Variants in CHD1L observed in about 807,000 individuals in gnomAD.
The protein encoded by CHD1L is chromodomain helicase DNA binding protein 1 like, also known as ATP-dependent chromatin remodeler CHD1L.
CHD1L carries 118 observed loss-of-function variants against 115.9 expected under a neutral mutation model. The observed-to-expected ratio is 1.02, with a 90% confidence interval of 0.88 to 1.19. CHD1L has a LOEUF of 1.19. Ranked by LOEUF, CHD1L falls within the 50% of genes most tolerant of loss-of-function variation. CHD1L has a pLI of 0.00. For synonymous variants in CHD1L, 411 were observed against 387.1 expected, an observed-to-expected ratio of 1.06 and a Z score of -0.72; for missense variants, 1,179 against 1,065.3, an observed-to-expected ratio of 1.11 and a Z score of -1.49.
At chr1:147,199,939 C>T in the CHD1L span, among the ~76,000 whole-genome samples, 2 of 152,094 alleles carry the variant, frequency 1.3e-5, no homozygotes, top group Non-Finnish European at 2.9e-5. Context: ...GTAACAATAG[C>T]AAATTTTGTT....
chr1:147,195,396 G>T, the CHD1L span, among the ~76,000 whole-genome samples: 1 of 151,944 alleles, frequency 6.6e-6, no homozygotes, highest in Admixed American at 6.6e-5. Flanking sequence ...GCATCCCAAG[G>T]TGCTGGGATT....
intron 2 of CHD1L, among the ~76,000 whole-genome samples, chr1:147,253,494 T>C (rs1553937816): frequency 6.6e-6 from 1 of 152,194 alleles, no homozygotes; most frequent in Non-Finnish European, 1.5e-5. Flanking sequence ...TTGCAATGCG[T>C]GTTTTGCATG....
chr1:147,186,883 C>T, the CHD1L span: 1 of 1,596,014 alleles, frequency 6.3e-7, no homozygotes, highest in South Asian at 1.1e-5. Flanking sequence ...AAAAACAGGG[C>T]AGTGACAATA....
the CHD1L span, among the ~76,000 whole-genome samples, chr1:147,222,426 T>A: frequency 6.6e-6 from 1 of 152,040 alleles, no homozygotes; most frequent in Non-Finnish European, 1.5e-5. Flanking sequence ...CTGATGGGAT[T>A]GGAAGAAGTA....
At chr1:147,280,564 A>T (rs1174442115) in intron 15 of CHD1L, among the ~76,000 whole-genome samples, 6 of 152,144 alleles carry the variant, frequency 3.9e-5, no homozygotes, top group African/African-American at 1.4e-4. Flanking sequence ...TAAACAGTAG[A>T]ATTACTTGTT....
the CHD1L span, chr1:147,184,480 T>G: frequency 6.6e-7 from 1 of 1,506,418 alleles, no homozygotes; most frequent in Admixed American, 2.4e-5. This position sits in a 1 kb window ranked among gnomAD's most constrained non-coding sequence, Gnocchi z 4.4. Flanking sequence ...GATACTACAT[T>G]ACATTTAGAT....
intron 2 of CHD1L, among the ~76,000 whole-genome samples, chr1:147,253,493 G>A (rs1276581060): frequency 2.6e-5 from 4 of 152,102 alleles, no homozygotes; most frequent in Non-Finnish European, 4.4e-5. Flanking sequence ...GTTGCAATGC[G>A]TGTTTTGCAT....
the CHD1L span, among the ~76,000 whole-genome samples, chr1:147,207,258 T>G: frequency 1.3e-5 from 2 of 152,168 alleles, no homozygotes; most frequent in African/African-American, 4.8e-5. Context: ...ATGCTCTATA[T>G]GTATGGACCT....
chr1:147,207,225 G>GA, the CHD1L span, among the ~76,000 whole-genome samples: 1 of 152,032 alleles, frequency 6.6e-6, no homozygotes, highest in African/African-American at 2.4e-5. Context: ...AATGGTTTCA[G>GA]AAAAAAATGT....
At chr1:147,294,984 A>G (rs941274081) in intron 22 of CHD1L, among the ~76,000 whole-genome samples, 1 of 152,250 alleles carries the variant, frequency 6.6e-6, no homozygotes, top group Non-Finnish European at 1.5e-5. Flanking sequence ...CCATGAAGTC[A>G]TGATCTACTT....
chr1:147,275,427 C>T lies in CHD1L; in HGVS notation c.1344C>T (p.Asp448=). 1 of 1,614,168 alleles carries T rather than the reference C, an allele frequency of 6.2e-7. No homozygotes were observed. Among genetic ancestry groups the T allele is most frequent in the Non-Finnish European group, 8.5e-7 (1 of 1,180,002 alleles). Residue 448 remains aspartate (D), a synonymous_variant, in exon 13 of 23, where the codon GAC becomes GAT. Coordinates refer to ENST00000369258, the MANE Select transcript of CHD1L (RefSeq NM_004284.6). ...FVDSDFNPQN[D]LQAAARAHRI... is the part of the protein sequence containing the mutation. ...ACAGTGACTTTAATCCTCAGAATGACTTGCAAGCAGCTGCCAGGGCTCATC... is the reference window on the plus strand; with the variant it reads ...ACAGTGACTTTAATCCTCAGAATGATTTGCAAGCAGCTGCCAGGGCTCATC...
At chr1:147,229,719 C>A in the CHD1L span, among the ~76,000 whole-genome samples, 1 of 152,090 alleles carries the variant, frequency 6.6e-6, no homozygotes, top group East Asian at 1.9e-4. Context: ...TGAGGAGGTA[C>A]TTCACATCCC....
chr1:147,291,341 G>A (rs1317414755), intron 19 of CHD1L, 141 bp from the exon 20 acceptor site: 21 of 678,424 alleles, frequency 3.1e-5, no homozygotes, highest in Non-Finnish European at 5.6e-5. Context: ...GAGGTTGACT[G>A]AGGCCAGGAA....
chr1:147,203,449 T>G, the CHD1L span: 1 of 834,686 alleles, frequency 1.2e-6, no homozygotes, highest in South Asian at 1.3e-5. Flanking sequence ...TTCCAACATG[T>G]CCGTTACAGC....
chr1:147,210,160 G>C, the CHD1L span: 1 of 152,206 alleles, frequency 6.6e-6, no homozygotes, highest in Non-Finnish European at 1.5e-5. Flanking sequence ...AGATCACAGA[G>C]CTAGTAAGTG....
At chr1:147,207,448 C>G in the CHD1L span, among the ~76,000 whole-genome samples, 2 of 152,158 alleles carry the variant, frequency 1.3e-5, no homozygotes, top group African/African-American at 4.8e-5. Flanking sequence ...AATGTTTTCC[C>G]TCCCTGGTTC....
At chr1:147,240,394 G>A (rs1664742557), upstream of CHD1L, among the ~76,000 whole-genome samples, 1 of 152,232 alleles carries the variant, frequency 6.6e-6, no homozygotes, top group South Asian at 2.1e-4. Context: ...CACTGCGGAA[G>A]GCCGCAGGGA....
At chr1:147,228,715 G>T in the CHD1L span, among the ~76,000 whole-genome samples, 1 of 152,212 alleles carries the variant, frequency 6.6e-6, no homozygotes, top group Non-Finnish European at 1.5e-5. Context: ...ACTGGTGTGA[G>T]ATGGTATCTC....
chr1:147,233,868 T>G, the CHD1L span, among the ~76,000 whole-genome samples: 1 of 151,922 alleles, frequency 6.6e-6, no homozygotes, highest in Non-Finnish European at 1.5e-5. Flanking sequence ...GTGCAAGATG[T>G]GCTTTGTTAA....
Sources: gnomAD v4.1 joint callset for allele counts (sites outside exome capture counted in the v4.1 genomes callset) on GRCh38, gnomAD v4.1.1 for gene constraint, Gnocchi (gnomAD v3.1) non-coding constraint, MANE v1.5 for transcripts, NCBI Gene and HGNC (gene_info 2026-07-23, HGNC 2026-07-21) for gene names.